Variants in NDUFA10 observed in about 807,000 individuals in gnomAD.
The protein encoded by NDUFA10 is NADH dehydrogenase [ubiquinone] 1 alpha subcomplex subunit 10, mitochondrial.
A neutral mutation model predicts 47.8 loss-of-function variants in NDUFA10; 40 were observed. The observed-to-expected ratio is 0.84, with a 90% confidence interval of 0.65 to 1.09. The LOEUF (loss-of-function observed/expected upper bound fraction) is 1.09, where lower values mean the gene tolerates loss of function less well. NDUFA10 is among the 50% of genes least tolerant of loss of function. NDUFA10 has a pLI of 0.00. For synonymous variants in NDUFA10, 183 were observed against 172.2 expected, an observed-to-expected ratio of 1.06 and a Z score of -0.49; for missense variants, 413 against 451.1, an observed-to-expected ratio of 0.92 and a Z score of 0.76.
chr2:239,993,892 G>A (rs939089484), intron 8 of NDUFA10, among the ~76,000 whole-genome samples: 1 of 152,056 alleles, frequency 6.6e-6, no homozygotes, highest in Non-Finnish European at 1.5e-5. Flanking sequence ...CTGAACAGAC[G>A]GCAGGAGGGA....
chr2:240,005,099 T>G, intron 8 of NDUFA10, 111 bp downstream of exon 8: 3 of 931,388 alleles, frequency 3.2e-6, no homozygotes, highest in Non-Finnish European at 5.3e-6. Context: ...AAGTATTGGG[T>G]TGGTGCTGCT....
chr2:239,987,849 C>A lies in NDUFA10; in HGVS notation c.999+2225G>T, dbSNP rs1559358588. On this transcript the variant is annotated intron_variant, in intron 9 of 9. Transcript: ENST00000252711. This position sits in a 1 kb window ranked among gnomAD's most constrained non-coding sequence, Gnocchi z 4.8. ...ATCATGCAAAACATGCGAGTGGGTA[C>A]TCTGCTCTGGAACTGGAAAGCTAAT... Among the ~76,000 whole-genome samples the A allele has an allele frequency of 6.6e-6, 1 of 152,062 alleles. No individual in the cohort carries two copies. Among genetic ancestry groups the A allele is most frequent in the African/African-American group, 2.4e-5 (1 of 41,406 alleles).
chr2:240,011,595 A>G (rs1418431825), intron 6 of NDUFA10, 22 bp downstream of exon 6: 1 of 1,589,206 alleles, frequency 6.3e-7, no homozygotes, highest in Non-Finnish European at 8.6e-7. Flanking sequence ...AGCCCTGTAA[A>G]TCAGTCGTGT....
At chr2:239,915,210 TAC>T (rs149758316) in intron 4 of NDUFA10, among the ~76,000 whole-genome samples, 1 of 125,996 alleles carries the variant, frequency 7.9e-6, no homozygotes, top group Non-Finnish European at 1.7e-5. Context: ...GACACACAAA[TAC>T]ACAGACACAG....
At chr2:239,969,633 TCA>T (rs1484512306) in intron 9 of NDUFA10, 1 of 471,182 alleles carries the variant, frequency 2.1e-6, no homozygotes, top group South Asian at 1.5e-5. Flanking sequence ...CTGTCTCTTG[TCA>T]CAGTCCCGCA....
rs138474894 is a variant in NDUFA10 at position 239,930,243 on chromosome 2, G to A, written c.295-34929C>T. Among the ~76,000 whole-genome samples, 25 of 129,568 alleles carry A rather than the reference G, an allele frequency of 1.9e-4. 1 individual carries two copies. The highest frequency in any genetic ancestry group is 2.6e-4 in the East Asian group (1 of 3,874). The allele number at this position is 129,568 out of a possible 152,430, so 85.0% of individuals were successfully genotyped here. On this transcript the variant is annotated intron_variant, in intron 4 of 5. Transcript: ENST00000419408. ...CCTCAGCCAGCCCTGCTTCTCCACC[G>A]CCCCTAGTCCTCCGCCAGCCCTGCT...
At chr2:239,992,908 G>A (rs1184692710) in intron 8 of NDUFA10, among the ~76,000 whole-genome samples, 7 of 152,132 alleles carry the variant, frequency 4.6e-5, no homozygotes, top group East Asian at 1.9e-4. Context: ...ACTGGTAAGC[G>A]GCATGTTTAC....
At chr2:239,983,614 G>A (rs1279050505) in intron 9 of NDUFA10, 2 of 1,590,794 alleles carry the variant, frequency 1.3e-6, no homozygotes, top group Non-Finnish European at 1.7e-6. Flanking sequence ...CCTCAGCCAG[G>A]AGCCCACGGT....
At chr2:239,971,150 G>T (rs1172921336) in intron 9 of NDUFA10, among the ~76,000 whole-genome samples, 2 of 152,236 alleles carry the variant, frequency 1.3e-5, no homozygotes, top group East Asian at 3.8e-4. Context: ...ATGCTACTTT[G>T]TAAGAAGAAA....
intron 5 of NDUFA10, 51 bp downstream of exon 5, chr2:240,014,688 G>A (rs1259883376): frequency 6.2e-7 from 1 of 1,612,968 alleles, no homozygotes; most frequent in Non-Finnish European, 8.5e-7. Flanking sequence ...TTTTAGTGCT[G>A]ATCTACATTC....
chr2:239,982,543 G>C (rs1209445567), intron 9 of NDUFA10, among the ~76,000 whole-genome samples: 1 of 152,142 alleles, frequency 6.6e-6, no homozygotes, highest in Non-Finnish European at 1.5e-5. Context: ...GGCTCCTTGG[G>C]CTCTGGCATG....
chr2:239,978,463 C>T (rs1559345797), intron 9 of NDUFA10, among the ~76,000 whole-genome samples: 1 of 152,160 alleles, frequency 6.6e-6, no homozygotes, highest in Non-Finnish European at 1.5e-5. Flanking sequence ...GGCCTGCCTC[C>T]TAATACTCTG....
At chr2:239,949,271 G>A (rs11489045) in intron 4 of NDUFA10, among the ~76,000 whole-genome samples, 11,552 of 152,242 alleles carry the variant, frequency 0.076, 960 homozygotes, top group African/African-American at 0.21. Context: ...AGGGCGAAGC[G>A]AGTTAGCAAT....
At chr2:239,988,910 C>G (rs1696122760) in intron 9 of NDUFA10, among the ~76,000 whole-genome samples, 1 of 151,218 alleles carries the variant, frequency 6.6e-6, no homozygotes, top group Non-Finnish European at 1.5e-5. Flanking sequence ...ACAGCACACA[C>G]ACTCACACAC....
At chr2:239,913,360 G>A (rs907216364) in intron 4 of NDUFA10, among the ~76,000 whole-genome samples, 3 of 152,208 alleles carry the variant, frequency 2.0e-5, no homozygotes, top group Non-Finnish European at 1.5e-5. Flanking sequence ...CTCGTTGCTC[G>A]GCCCACGCAA....
intron 4 of NDUFA10, among the ~76,000 whole-genome samples, chr2:239,934,944 G>C (rs886210461): frequency 3.3e-5 from 5 of 152,214 alleles, no homozygotes; most frequent in African/African-American, 9.7e-5. Context: ...TGGTGCAGCT[G>C]CCGCGTGCCC....
At chr2:239,943,345 T>G (rs1283346629) in intron 4 of NDUFA10, among the ~76,000 whole-genome samples, 2 of 152,166 alleles carry the variant, frequency 1.3e-5, no homozygotes, top group African/African-American at 4.8e-5. Context: ...CTTTCTTTTT[T>G]TTTGAGATGG....
At chr2:239,943,935 TG>T (rs1477905239) in intron 4 of NDUFA10, among the ~76,000 whole-genome samples, 3 of 152,120 alleles carry the variant, frequency 2.0e-5, no homozygotes, top group Non-Finnish European at 2.9e-5. Context: ...GTCCCTTTTA[TG>T]GGGGGAAGCT....
In NDUFA10 at chr2:239,967,474, C is replaced by T. The variant is rs549785811; in HGVS notation, c.1000-6288G>A. ...CTGTGTGGCCCGCAGAGCTGGGAAC[C>T]TTTACTCTCTGGCTCTTTAAAGGAA... On this transcript the variant is annotated intron_variant, in intron 9 of 9. Coordinates refer to ENST00000252711, the MANE Select transcript of NDUFA10 (RefSeq NM_004544.4). Among the ~76,000 whole-genome samples the T allele has an allele frequency of 2.6e-5, 4 of 152,328 alleles. No individual in the cohort carries two copies. The South Asian group carries it at 6.2e-4, about 24-fold the overall frequency.
Sources: allele counts gnomAD v4.1 joint callset (sites outside exome capture counted in the v4.1 genomes callset), GRCh38; gene constraint gnomAD v4.1.1; non-coding constraint Gnocchi (gnomAD v3.1); transcripts MANE v1.5; gene names NCBI Gene and HGNC (gene_info 2026-07-23, HGNC 2026-07-21).